Variants in FOXK1 observed in about 807,000 individuals in gnomAD.
FOXK1 encodes the protein forkhead box K1.
A neutral mutation model predicts 51.9 loss-of-function variants in FOXK1; 19 were observed. That is an observed-to-expected ratio of 0.37 (90% confidence interval 0.26 to 0.54). The LOEUF (loss-of-function observed/expected upper bound fraction) is 0.54, where lower values mean the gene tolerates loss of function less well. FOXK1 is among the 20% of genes least tolerant of loss of function. The probability of loss-of-function intolerance (pLI) is 0.87; values close to 1 mark genes in which losing one functional copy is unlikely to be tolerated. For missense variants in FOXK1, 870 were observed against 1,032.7 expected (o/e 0.84, Z 2.16); for synonymous variants, 537 against 482.6 (o/e 1.11, Z -1.48).
intron 1 of FOXK1, among the ~76,000 whole-genome samples, chr7:4,737,272 C>A (rs1780565046): frequency 2.0e-5 from 3 of 152,168 alleles, no homozygotes; most frequent in Admixed American, 2.0e-4. Context: ...CTCAACTGTG[C>A]CCTTCTGACA....
intron 1 of FOXK1, among the ~76,000 whole-genome samples, chr7:4,690,155 A>C (rs1779873748): frequency 6.6e-6 from 1 of 152,220 alleles, no homozygotes; most frequent in African/African-American, 2.4e-5. Flanking sequence ...TGGTGGCCCC[A>C]GGACTGGAGA....
chr7:4,713,163 C>G (rs1033269061), intron 1 of FOXK1, among the ~76,000 whole-genome samples: 1 of 152,272 alleles, frequency 6.6e-6, no homozygotes, highest in African/African-American at 2.4e-5. Context: ...TAGTTACTTA[C>G]ATTTTGAAAT....
In FOXK1 at chr7:4,711,298, G is replaced by C. The variant is rs1025315658; in HGVS notation, c.560+28430G>C. On this transcript the variant is annotated intron_variant, in intron 1 of 8. Coordinates refer to ENST00000328914, the MANE Select transcript of FOXK1 (RefSeq NM_001037165.2). The surrounding 1 kb of genome is among the most constrained non-coding windows in gnomAD (Gnocchi z 6.3). Reference sequence around the variant, plus strand: ...TGAGTGTCCTGGGAAGCGTCCATGGGATGTATCAGTCAGGGAGGCTGGGCG... The same window carrying C: ...TGAGTGTCCTGGGAAGCGTCCATGGCATGTATCAGTCAGGGAGGCTGGGCG... Among the ~76,000 whole-genome samples, 5 of 152,150 alleles carry C rather than the reference G, an allele frequency of 3.3e-5. No individual in the cohort carries two copies. The highest frequency in any genetic ancestry group is 1.2e-4 in the African/African-American group (5 of 41,430).
rs1349143730 is a variant in FOXK1 at position 4,747,547 on chromosome 7, G to GT, written c.746+6530dup. On this transcript the variant is annotated intron_variant, in intron 2 of 8. Transcript: ENST00000328914. This position sits in a 1 kb window ranked among gnomAD's most constrained non-coding sequence, Gnocchi z 9.2. ...GGGTTGATTTTGTTTTTGTTTGTTTGTTTTTTGGGACAGGGTCTCACTCTA... is the reference window on the plus strand; with the variant it reads ...GGGTTGATTTTGTTTTTGTTTGTTTGTTTTTTTGGGACAGGGTCTCACTCTA... Among the ~76,000 whole-genome samples the GT allele has an allele frequency of 6.6e-6, 1 of 152,080 alleles. No individual in the cohort carries two copies. Among genetic ancestry groups the GT allele is most frequent in the African/African-American group, 2.4e-5 (1 of 41,402 alleles).
rs574893892 is a variant in FOXK1, at chr7:4,705,061, A to T, written c.560+22193A>T. Among the ~76,000 whole-genome samples, 9 of 151,848 alleles carry T rather than the reference A, an allele frequency of 5.9e-5. No individual in the cohort carries two copies. The South Asian group carries it at 1.9e-3, about 32-fold the overall frequency. ...TGGCCAGGCTGGTCTCGAACTCCTG[A>T]CCTCAGGTGATCTGCCCGCAGCAGC... On this transcript the variant is annotated intron_variant, in intron 1 of 8. Transcript: ENST00000328914.
intron 1 of FOXK1, among the ~76,000 whole-genome samples, chr7:4,687,481 CG>C (rs1779836535): frequency 6.6e-6 from 1 of 151,868 alleles, no homozygotes; most frequent in Non-Finnish European, 1.5e-5. Flanking sequence ...CTAGGAGAGA[CG>C]GGGTTTCACC....
At chr7:4,692,505 C>T (rs112257002) in intron 1 of FOXK1, among the ~76,000 whole-genome samples, 8 of 152,292 alleles carry the variant, frequency 5.3e-5, no homozygotes, top group Non-Finnish European at 7.4e-5. Context: ...AAGCAATTCT[C>T]CTGCCTCAGC....
At chr7:4,700,160 G>A (rs577018801) in intron 1 of FOXK1, among the ~76,000 whole-genome samples, 2 of 152,342 alleles carry the variant, frequency 1.3e-5, no homozygotes, top group African/African-American at 2.4e-5. Flanking sequence ...GTGGCCTGTC[G>A]TTGTTTGTGG....
In FOXK1 at chr7:4,762,413, G is replaced by A. The variant is rs371863185; in HGVS notation, c.2151G>A (p.Pro717=). Residue 717 remains proline, a synonymous_variant, in exon 9 of 9, where the codon CCG becomes CCA. Transcript: ENST00000328914. The surrounding 1 kb of genome is among the most constrained non-coding windows in gnomAD (Gnocchi z 5.7). The part of the protein sequence containing the change: ...VEEPSGAVTT[P]AGVIAAAGPQ... ...AGCCCAGTGGTGCTGTAACCACACCGGCTGGAGTGATCGCAGCTGCCGGCC... is the reference window on the plus strand; with the variant it reads ...AGCCCAGTGGTGCTGTAACCACACCAGCTGGAGTGATCGCAGCTGCCGGCC... The A allele has an allele frequency of 1.5e-4, 235 of 1,549,520 alleles. 1 individual carries two copies. The South Asian group carries it at 2.1e-3, about 14-fold the overall frequency.
In FOXK1 at chr7:4,706,002, A is replaced by T. The variant is rs190687887; in HGVS notation, c.560+23134A>T. On this transcript the variant is annotated intron_variant, in intron 1 of 8. Coordinates refer to ENST00000328914, the MANE Select transcript of FOXK1 (RefSeq NM_001037165.2). ...TATATACGTATATATACGTATATAT[A>T]CGTATATATACGTATATATACGTGT... is the stretch of plus-strand genomic sequence containing the variant. Among the ~76,000 whole-genome samples the T allele has an allele frequency of 1.8e-4, 19 of 103,218 alleles. 2 individuals are homozygous for T. In the East Asian group the frequency reaches 3.9e-3, roughly 21 times the overall value. The allele number at this position is 103,218 out of a possible 152,430, so 67.7% of individuals were successfully genotyped here. A position where few individuals can be genotyped will look rare whatever the true frequency, so the allele number is the denominator to read the frequency against.
intron 1 of FOXK1, among the ~76,000 whole-genome samples, chr7:4,737,661 A>G (rs976155384): frequency 2.6e-5 from 4 of 151,958 alleles, no homozygotes; most frequent in African/African-American, 7.3e-5. Context: ...CCCTGCCTGG[A>G]CCCTCAGCCA....
chr7:4,717,697 C>T (rs1173927161), intron 1 of FOXK1, among the ~76,000 whole-genome samples: 1 of 152,162 alleles, frequency 6.6e-6, no homozygotes, highest in Non-Finnish European at 1.5e-5. Flanking sequence ...GTCCTGGTGG[C>T]CTCCTTGTCT....
At chr7:4,746,840 A>G (rs1383767207) in intron 2 of FOXK1, among the ~76,000 whole-genome samples, 2 of 152,166 alleles carry the variant, frequency 1.3e-5, no homozygotes, top group African/African-American at 4.8e-5. Context: ...GCATTTGCAA[A>G]TCCAGTGAGG....
Position 4,761,203 on chromosome 7 carries a change from C to T in FOXK1, c.1836C>T (p.Leu612=), listed in dbSNP as rs533152328. 3.7e-5 allele frequency: 59 copies of T among 1,613,112 alleles called. No individual in the cohort carries two copies. Among genetic ancestry groups the T allele is most frequent in the African/African-American group, 2.8e-4 (21 of 75,070 alleles). Residue 612 remains leucine (L), a synonymous_variant, in exon 8 of 9, where the codon CTC becomes CTT. Coordinates refer to ENST00000328914, the MANE Select transcript of FOXK1 (RefSeq NM_001037165.2). The surrounding 1 kb of genome is among the most constrained non-coding windows in gnomAD (Gnocchi z 6.2). ...TGCAGCCCGCCACACCCGTGACCCT[C>T]GGGCAGCACCACCTTCCAGTCCGGG... ...TILQPATPVT[L]GQHHLPVRAV...
At position 4,718,053 on chromosome 7, in the gene FOXK1, C is replaced by T. The variant is rs143390291; in HGVS notation, c.561-22785C>T. 3.3e-3 allele frequency among the ~76,000 whole-genome samples: 505 copies of T among 152,282 alleles called. 4 individuals carry two copies. The highest frequency in any genetic ancestry group is 0.012 in the African/African-American group (491 of 41,558). ...AAGTGGGGGTCGCTGCCTCTGGGGG[C>T]CCTGTTGCCCGTGTTCCCACCAGCT... is the stretch of plus-strand genomic sequence containing the variant. On this transcript the variant is annotated intron_variant, in intron 1 of 8. Coordinates refer to ENST00000328914, the MANE Select transcript of FOXK1 (RefSeq NM_001037165.2).
chr7:4,708,150 TGAAGGGCCCGAGTCTTCC>T (rs1336071572), intron 1 of FOXK1, among the ~76,000 whole-genome samples: 2 of 152,114 alleles, frequency 1.3e-5, no homozygotes, highest in Non-Finnish European at 2.9e-5. Context: ...ATGTGCTCTT[TGAAGGGCCCGAGTCTTCC>T]ACCAAATAAA....
chr7:4,714,559 G>C (rs1780211649), intron 1 of FOXK1, among the ~76,000 whole-genome samples: 1 of 152,228 alleles, frequency 6.6e-6, no homozygotes, highest in African/African-American at 2.4e-5. Flanking sequence ...ACGGGCGTGA[G>C]CCACCAGCCT....
intron 1 of FOXK1, among the ~76,000 whole-genome samples, chr7:4,727,877 C>T (rs1375378275): frequency 6.6e-6 from 1 of 152,208 alleles, no homozygotes; most frequent in African/African-American, 2.4e-5. Context: ...CCGTGGTCTT[C>T]ACATTGGTGC....
At position 4,768,427 on chromosome 7, in the gene FOXK1, C is replaced by CTCT. The variant is rs1781049049; in HGVS notation, c.*5963_*5964insTCT. The CTCT allele has an allele frequency of 1.3e-5, 2 of 152,336 alleles. 1 individual carries two copies. Among genetic ancestry groups the CTCT allele is most frequent in the African/African-American group, 4.8e-5 (2 of 41,428 alleles). 9.4% of individuals were successfully genotyped at this position (152,336 alleles called of 1,614,324 possible). On this transcript the variant is annotated 3_prime_UTR_variant, in exon 9 of 9. Transcript: ENST00000328914. ...GATTACAGGCGTGAGCCACCGCGCC[C>CTCT]GGCCCACTGACTTCTTTAGGGAAAA...
Sources: allele counts gnomAD v4.1 joint callset (sites outside exome capture counted in the v4.1 genomes callset), GRCh38; gene constraint gnomAD v4.1.1; non-coding constraint Gnocchi (gnomAD v3.1); transcripts MANE v1.5; gene names NCBI Gene and HGNC (gene_info 2026-07-23, HGNC 2026-07-21).